Variants in FBXL7 observed in about 807,000 individuals in gnomAD.
FBXL7 encodes F-box and leucine rich repeat protein 7.
A neutral mutation model predicts 38.3 loss-of-function variants in FBXL7; 12 were observed. That is an observed-to-expected ratio of 0.31 (90% CI 0.20 to 0.51). The LOEUF is 0.51. Ranked by LOEUF, FBXL7 falls within the 20% of genes least tolerant of loss-of-function variation. FBXL7 has a pLI of 0.98. For synonymous variants in FBXL7, 297 were observed against 300.9 expected, an observed-to-expected ratio of 0.99 and a Z score of 0.13; for missense variants, 567 against 676.4, an observed-to-expected ratio of 0.84 and a Z score of 1.79.
At chr5:15,822,458 C>G (rs1372885997) in intron 2 of FBXL7, among the ~76,000 whole-genome samples, 3 of 152,122 alleles carry the variant, frequency 2.0e-5, no homozygotes, top group Admixed American at 6.6e-5. Context: ...GCTTGACCAG[C>G]CTTTCCTCCC....
intron 2 of FBXL7, among the ~76,000 whole-genome samples, chr5:15,778,489 A>G (rs4432882): frequency 0.17 from 25,926 of 152,016 alleles, 2,210 homozygotes; most frequent in South Asian, 0.23. Flanking sequence ...CCTCTAGACT[A>G]ATTAGTTAAG....
chr5:15,827,593 G>A (rs1234305782), intron 2 of FBXL7, among the ~76,000 whole-genome samples: 1 of 152,182 alleles, frequency 6.6e-6, no homozygotes, highest in African/African-American at 2.4e-5. Context: ...AGGCAGCAGA[G>A]TGAGAGAAAG....
At chr5:15,832,258 A>G (rs1351214695) in intron 2 of FBXL7, among the ~76,000 whole-genome samples, 1 of 152,190 alleles carries the variant, frequency 6.6e-6, no homozygotes, top group Non-Finnish European at 1.5e-5. Flanking sequence ...CAGAGAAAAA[A>G]GATATAGAAG....
intron 2 of FBXL7, among the ~76,000 whole-genome samples, chr5:15,806,581 G>T (rs757005801): frequency 1.3e-5 from 2 of 152,112 alleles, no homozygotes; most frequent in African/African-American, 2.4e-5. Flanking sequence ...ACTGGGGCAC[G>T]GTGTAGAGTG....
At chr5:15,725,569 G>GA (rs1744323261) in intron 2 of FBXL7, among the ~76,000 whole-genome samples, 1 of 152,146 alleles carries the variant, frequency 6.6e-6, no homozygotes, top group African/African-American at 2.4e-5. Flanking sequence ...CATATGGTCT[G>GA]TCCTGCAAAA....
intron 2 of FBXL7, among the ~76,000 whole-genome samples, chr5:15,682,564 G>T (rs1742874751): frequency 6.6e-6 from 1 of 151,310 alleles, no homozygotes; most frequent in African/African-American, 2.4e-5. Context: ...CTTTATTTCA[G>T]CTTTTAAGTT....
intron 2 of FBXL7, among the ~76,000 whole-genome samples, chr5:15,877,826 G>A (rs1466133552): frequency 2.0e-5 from 3 of 152,020 alleles, no homozygotes; most frequent in African/African-American, 4.8e-5. Context: ...TAATATTCCC[G>A]CTAAAGAGAA....
chr5:15,574,291 T>C (rs1738888195), intron 1 of FBXL7, among the ~76,000 whole-genome samples: 1 of 152,212 alleles, frequency 6.6e-6, no homozygotes, highest in South Asian at 2.1e-4. Flanking sequence ...TGCAGATAGA[T>C]AAAATATGCT....
At position 15,797,356 on chromosome 5, in the gene FBXL7, A is replaced by G. The variant is rs145090998; in HGVS notation, c.128-130534A>G. Among the ~76,000 whole-genome samples the G allele has an allele frequency of 4.7e-3, 720 of 152,368 alleles. 3 individuals are homozygous for G. The highest frequency in any genetic ancestry group is 7.8e-3 in the Non-Finnish European group (530 of 68,034). ...TGATATGTGGTCTCTCTATATAAAC[A>G]TGTGACACCTGTTTCTGCCTGTGGT... On this transcript the variant is annotated intron_variant, in intron 2 of 3. Coordinates refer to ENST00000504595, the MANE Select transcript of FBXL7 (RefSeq NM_012304.5).
chr5:15,827,779 G>A (rs1272171578), intron 2 of FBXL7, among the ~76,000 whole-genome samples: 1 of 152,140 alleles, frequency 6.6e-6, no homozygotes, highest in East Asian at 1.9e-4. Context: ...TTCAAACCAT[G>A]GCTGCTACTA....
intron 2 of FBXL7, among the ~76,000 whole-genome samples, chr5:15,683,987 C>G (rs567882268): frequency 6.6e-6 from 1 of 152,094 alleles, no homozygotes; most frequent in East Asian, 1.9e-4. Context: ...CATACAAAGG[C>G]CTTTTAAAAA....
At chr5:15,648,878 A>G (rs1741619289) in intron 2 of FBXL7, among the ~76,000 whole-genome samples, 1 of 150,744 alleles carries the variant, frequency 6.6e-6, no homozygotes. Flanking sequence ...TCGGTGTCCT[A>G]GTCAAGTCAA....
intron 2 of FBXL7, among the ~76,000 whole-genome samples, chr5:15,646,760 T>C (rs1319112986): frequency 3.3e-5 from 5 of 152,236 alleles, no homozygotes; most frequent in Non-Finnish European, 5.9e-5. Context: ...TGAGACCTTA[T>C]GTTCTGGACT....
At chr5:15,692,004 G>C (rs1256731788) in intron 2 of FBXL7, among the ~76,000 whole-genome samples, 1 of 152,138 alleles carries the variant, frequency 6.6e-6, no homozygotes, top group Non-Finnish European at 1.5e-5. Flanking sequence ...TTGGTTCTGG[G>C]AATGTGCCGT....
chr5:15,830,451 T>C (rs978118039), intron 2 of FBXL7, among the ~76,000 whole-genome samples: 1 of 150,560 alleles, frequency 6.6e-6, no homozygotes, highest in Non-Finnish European at 1.5e-5. Flanking sequence ...GCCACTATAC[T>C]CTAGCCTGGG....
At chr5:15,764,209 AT>A (rs1182880382) in intron 2 of FBXL7, among the ~76,000 whole-genome samples, 2 of 152,230 alleles carry the variant, frequency 1.3e-5, no homozygotes, top group African/African-American at 4.8e-5. Context: ...GTTTCATAAA[AT>A]GGAGACTGAC....
intron 2 of FBXL7, among the ~76,000 whole-genome samples, chr5:15,718,276 T>C (rs12653727): frequency 0.71 from 107,982 of 152,022 alleles, 38,933 homozygotes; most frequent in East Asian, 0.88. Flanking sequence ...GCTTTTTTTG[T>C]AGGTTTGACG....
intron 2 of FBXL7, among the ~76,000 whole-genome samples, chr5:15,813,535 A>T (rs539029097): frequency 6.6e-6 from 1 of 152,300 alleles, no homozygotes; most frequent in South Asian, 2.1e-4. Flanking sequence ...TCATGTCTAA[A>T]ACACCAAAAG....
chr5:15,653,815 C>T (rs1364740158), intron 2 of FBXL7, among the ~76,000 whole-genome samples: 1 of 152,280 alleles, frequency 6.6e-6, no homozygotes, highest in East Asian at 1.9e-4. Flanking sequence ...CATTTATCTA[C>T]AGTAATCTCA....
Sources: allele counts gnomAD v4.1 joint callset (sites outside exome capture counted in the v4.1 genomes callset), GRCh38; gene constraint gnomAD v4.1.1; transcripts MANE v1.5; gene names NCBI Gene and HGNC (gene_info 2026-07-23, HGNC 2026-07-21).